The following YAF2 variants were observed in gnomAD, a reference collection of about 807,000 sequenced individuals.
YAF2 encodes YY1-associated factor 2.
A neutral mutation model predicts 20.1 loss-of-function variants in YAF2; 7 were observed. The observed-to-expected ratio is 0.35, with a 90% confidence interval of 0.20 to 0.65. The LOEUF (loss-of-function observed/expected upper bound fraction) is 0.65. Among genes scored for constraint, YAF2 ranks in the 30% least tolerant of loss-of-function variants. The pLI, the probability that YAF2 is intolerant of heterozygous loss-of-function variation, is 0.69. For synonymous variants in YAF2, 74 were observed against 76.0 expected (o/e 0.97, Z 0.14); for missense variants, 151 against 219.2 (o/e 0.69, Z 1.96).
intron 2 of YAF2, among the ~76,000 whole-genome samples, chr12:42,199,891 T>C (rs114513282): frequency 0.01 from 1,575 of 152,322 alleles, 26 homozygotes; most frequent in African/African-American, 0.034. Flanking sequence ...CAGAGTTCTT[T>C]GGCACATAAC....
intron 2 of YAF2, among the ~76,000 whole-genome samples, chr12:42,176,190 T>TGACAGACACTTTGA (rs1460534288): frequency 1.4e-5 from 2 of 146,542 alleles, no homozygotes; most frequent in African/African-American, 5.1e-5. Flanking sequence ...AGGTTGCAAG[T>TGACAGACACTTTGA]GACAGAGTGT....
At chr12:42,170,037 A>AT (rs774180197) in intron 2 of YAF2, among the ~76,000 whole-genome samples, 6 of 151,464 alleles carry the variant, frequency 4.0e-5, no homozygotes, top group Non-Finnish European at 7.4e-5. Context: ...CACCTGGGTA[A>AT]TTTTTTTATT....
chr12:42,211,777 G>A (rs919170820), intron 2 of YAF2, among the ~76,000 whole-genome samples: 23 of 150,444 alleles, frequency 1.5e-4, no homozygotes, highest in African/African-American at 4.4e-4. Context: ...AGCCAGGCAC[G>A]GTGGCTTGCA....
chr12:42,219,165 C>T (rs1438787661), intron 2 of YAF2, among the ~76,000 whole-genome samples: 2 of 152,208 alleles, frequency 1.3e-5, no homozygotes, highest in Non-Finnish European at 1.5e-5. Flanking sequence ...TGGGCAACCA[C>T]AGAGCCCCAC....
At chr12:42,175,341 G>A (rs1039707496) in intron 2 of YAF2, among the ~76,000 whole-genome samples, 7 of 152,086 alleles carry the variant, frequency 4.6e-5, no homozygotes, top group Admixed American at 2.6e-4. Flanking sequence ...ATCAGTAGTT[G>A]CCTAGCAACC....
intron 2 of YAF2, chr12:42,235,456 AAC>A: frequency 2.5e-6 from 3 of 1,202,394 alleles, no homozygotes; most frequent in South Asian, 3.4e-5. Flanking sequence ...GTTCTATACA[AAC>A]ACAGATTCTA....
At chr12:42,178,834 A>T (rs1247860574) in intron 2 of YAF2, among the ~76,000 whole-genome samples, 1 of 152,140 alleles carries the variant, frequency 6.6e-6, no homozygotes, top group Non-Finnish European at 1.5e-5. Context: ...GAACCACTTA[A>T]ATCAGTGGTG....
At chr12:42,233,659 G>A (rs1459907777) in intron 2 of YAF2, 1 of 629,412 alleles carries the variant, frequency 1.6e-6, no homozygotes, top group Non-Finnish European at 2.0e-6. Context: ...CCACAGGCAT[G>A]CACCACCACA....
chr12:42,161,535 T>C lies in YAF2; in HGVS notation c.305+78A>G, dbSNP rs1195449818. ...CCAAATATTTTACTTCCACTTTGTG[T>C]ATATTAGTATGTCAAGGTTAAAAAA... On this transcript the variant is annotated intron_variant, in intron 3 of 3. Transcript: ENST00000534854. 8.4e-6 allele frequency: 12 copies of C among 1,432,342 alleles called. No homozygotes were observed. The South Asian group carries it at 1.5e-4, about 18-fold the overall frequency. 88.7% of individuals were successfully genotyped at this position (1,432,342 alleles called of 1,614,324 possible).
chr12:42,178,531 T>C (rs2066256323), intron 2 of YAF2, among the ~76,000 whole-genome samples: 1 of 152,182 alleles, frequency 6.6e-6, no homozygotes, highest in African/African-American at 2.4e-5. Context: ...TCTAAAACAC[T>C]ACAGCCTATG....
rs139130696 is a variant in YAF2 at position 42,196,082 on chromosome 12, T to C, written c.153-34317A>G. Among the ~76,000 whole-genome samples the C allele has an allele frequency of 2.1e-3, 319 of 150,926 alleles. 9 individuals carry two copies. The East Asian group carries it at 0.056, about 27-fold the overall frequency. ...ACTAAAGACACAAAAATTAGCAGGG[T>C]GTGGTGGCACATGCCTGTAATCCCA... On this transcript the variant is annotated intron_variant, in intron 2 of 3. Coordinates refer to ENST00000534854, the MANE Select transcript of YAF2 (RefSeq NM_005748.6).
rs75904539 is a variant in YAF2 at position 42,205,892 on chromosome 12, A to C, written c.152+31707T>G. Reference sequence around the variant, plus strand: ...TGATACAACACTTTTGTTGTGATTTAGTTCTAATTATTTTGTAATTTCCAT... The same window carrying C: ...TGATACAACACTTTTGTTGTGATTTCGTTCTAATTATTTTGTAATTTCCAT... On this transcript the variant is annotated intron_variant, in intron 2 of 3. Coordinates refer to ENST00000534854, the MANE Select transcript of YAF2 (RefSeq NM_005748.6). The C allele has an allele frequency of 7.7e-3, 3,181 of 411,084 alleles. 101 individuals are homozygous for C. Among genetic ancestry groups the C allele is most frequent in the African/African-American group, 0.06 (2,870 of 48,002 alleles). The allele number at this position is 411,084 out of a possible 1,614,324, so 25.5% of individuals were successfully genotyped here.
At chr12:42,174,600 C>G (rs1283491157) in intron 2 of YAF2, among the ~76,000 whole-genome samples, 3 of 152,126 alleles carry the variant, frequency 2.0e-5, no homozygotes, top group African/African-American at 7.2e-5. Flanking sequence ...AGTAGCAACA[C>G]CAGGTACCTC....
intron 2 of YAF2, among the ~76,000 whole-genome samples, chr12:42,226,096 C>T (rs2067685348): frequency 1.3e-5 from 2 of 152,108 alleles, no homozygotes; most frequent in South Asian, 4.1e-4. Flanking sequence ...CCTTCACATC[C>T]CTTGTAAGTT....
intron 2 of YAF2, among the ~76,000 whole-genome samples, chr12:42,227,080 C>G (rs1055261165): frequency 1.0e-4 from 15 of 143,030 alleles, no homozygotes; most frequent in African/African-American, 3.5e-4. Flanking sequence ...GCCCGACCGC[C>G]GGGAGGATGG....
chr12:42,221,764 A>G (rs1402306711), intron 2 of YAF2, among the ~76,000 whole-genome samples: 2 of 152,192 alleles, frequency 1.3e-5, no homozygotes, highest in African/African-American at 4.8e-5. Flanking sequence ...TTCCACAATT[A>G]AGAATCCTCC....
At chr12:42,167,139 G>C (rs977629331) in intron 2 of YAF2, among the ~76,000 whole-genome samples, 1 of 151,944 alleles carries the variant, frequency 6.6e-6, no homozygotes, top group African/African-American at 2.4e-5. Flanking sequence ...GGGCCTGTTG[G>C]GGAGTGGGGG....
chr12:42,178,630 TA>T (rs971608371), intron 2 of YAF2, among the ~76,000 whole-genome samples: 13 of 150,098 alleles, frequency 8.7e-5, no homozygotes, highest in Non-Finnish European at 1.0e-4. Flanking sequence ...TTTTTTAAAA[TA>T]AAAAAAAAAT....
chr12:42,179,666 C>G (rs962041989), intron 2 of YAF2, among the ~76,000 whole-genome samples: 2 of 151,712 alleles, frequency 1.3e-5, no homozygotes, highest in African/African-American at 4.8e-5. Flanking sequence ...GCACGTGCCA[C>G]CCAGCTACTT....
Sources: gnomAD v4.1 joint callset for allele counts (sites outside exome capture counted in the v4.1 genomes callset) on GRCh38, gnomAD v4.1.1 for gene constraint, MANE v1.5 for transcripts, NCBI Gene and HGNC (gene_info 2026-07-23, HGNC 2026-07-21) for gene names.